KLF12: variants seen among roughly 807,000 people sequenced by gnomAD.
KLF12 encodes KLF transcription factor 12, also known as Krueppel-like factor 12.
KLF12 carries 9 observed loss-of-function variants against 37.8 expected under a neutral mutation model. The ratio of observed to expected loss-of-function variants is 0.24; its 90% CI spans 0.14 to 0.42. KLF12 has a LOEUF of 0.42. Among genes scored for constraint, KLF12 ranks in the 10% least tolerant of loss-of-function variants. The pLI, the probability that KLF12 is intolerant of heterozygous loss-of-function variation, is 1.00. For missense variants in KLF12, 411 were observed against 516.0 expected, an observed-to-expected ratio of 0.80 and a Z score of 1.97; for synonymous variants, 208 against 202.1, an observed-to-expected ratio of 1.03 and a Z score of -0.25.
intron 5 of KLF12, chr13:73,802,028 T>A (rs1882305572): frequency 6.6e-6 from 1 of 152,116 alleles, no homozygotes; most frequent in African/African-American, 2.4e-5. Context: ...GTTTCCAAGT[T>A]GTTAGGTAGG....
chr13:73,894,063 G>A (rs960102623), intron 3 of KLF12, among the ~76,000 whole-genome samples: 5 of 152,166 alleles, frequency 3.3e-5, no homozygotes, highest in East Asian at 1.9e-4. Flanking sequence ...GTGAGAGACA[G>A]GGGAAGATGG....
At chr13:74,175,955 C>T in the KLF12 span, among the ~76,000 whole-genome samples, 7 of 152,116 alleles carry the variant, frequency 4.6e-5, no homozygotes, top group Non-Finnish European at 8.8e-5. Context: ...TCTGTGTTTC[C>T]TCTCCCCTGG....
chr13:74,002,313 CAGAAA>C (rs1252104674), intron 1 of KLF12, among the ~76,000 whole-genome samples: 7 of 152,312 alleles, frequency 4.6e-5, no homozygotes, highest in African/African-American at 1.4e-4. Context: ...TACATAATCC[CAGAAA>C]ATAAAAGTAA....
chr13:73,934,819 T>C (rs1054322300), intron 3 of KLF12, among the ~76,000 whole-genome samples: 18 of 152,038 alleles, frequency 1.2e-4, no homozygotes, highest in Admixed American at 3.3e-4. Context: ...CTCCCTCTTC[T>C]TGAAAGTCCA....
chr13:73,756,152 A>T, intron 6 of KLF12, among the ~76,000 whole-genome samples: 1 of 149,968 alleles, frequency 6.7e-6, no homozygotes, highest in East Asian at 1.9e-4. Flanking sequence ...TTATTTATTG[A>T]TTTAAGATAA....
At chr13:73,977,838 T>G (rs755015361) in intron 2 of KLF12, among the ~76,000 whole-genome samples, 1 of 152,192 alleles carries the variant, frequency 6.6e-6, no homozygotes, top group African/African-American at 2.4e-5. Context: ...CAACTAATCT[T>G]TAACAAAGGT....
At chr13:73,979,400 A>AC (rs1891632807) in intron 2 of KLF12, among the ~76,000 whole-genome samples, 1 of 107,834 alleles carries the variant, frequency 9.3e-6, no homozygotes, top group South Asian at 2.9e-4. Flanking sequence ...CACACACACA[A>AC]ATCATGGAAT....
intron 2 of KLF12, among the ~76,000 whole-genome samples, chr13:73,987,733 G>C (rs906873274): frequency 6.9e-6 from 1 of 144,486 alleles, no homozygotes; most frequent in Non-Finnish European, 1.5e-5. Flanking sequence ...TAGAGGAAGT[G>C]GGAGGAAAGA....
the KLF12 span, among the ~76,000 whole-genome samples, chr13:74,276,148 G>A: frequency 1.3e-5 from 2 of 151,564 alleles, no homozygotes; most frequent in South Asian, 2.1e-4. Context: ...TCCCCAACAG[G>A]CCCCAGTGTG....
chr13:73,993,287 T>C (rs796790699), intron 2 of KLF12, among the ~76,000 whole-genome samples: 13 of 152,310 alleles, frequency 8.5e-5, no homozygotes, highest in African/African-American at 3.1e-4. Flanking sequence ...TTAAAGACTT[T>C]TGAATTCATG....
At chr13:74,161,785 C>A in the KLF12 span, among the ~76,000 whole-genome samples, 2 of 152,142 alleles carry the variant, frequency 1.3e-5, no homozygotes, top group Non-Finnish European at 2.9e-5. Flanking sequence ...GATTAATTTT[C>A]ATTCCGCCTC....
At chr13:74,131,709 T>C (rs553580155) in intron 1 of KLF12, among the ~76,000 whole-genome samples, 1 of 152,330 alleles carries the variant, frequency 6.6e-6, no homozygotes, top group South Asian at 2.1e-4. Flanking sequence ...CTCAAGAATG[T>C]TTTGTTTAAC....
chr13:73,760,687 T>C (rs1879494984), intron 6 of KLF12, among the ~76,000 whole-genome samples: 1 of 152,132 alleles, frequency 6.6e-6, no homozygotes, highest in East Asian at 1.9e-4. Context: ...AAAGTTTGTA[T>C]TATGTGACTC....
chr13:73,875,808 C>G (rs1339073469), intron 3 of KLF12, among the ~76,000 whole-genome samples: 1 of 152,000 alleles, frequency 6.6e-6, no homozygotes, highest in African/African-American at 2.4e-5. Flanking sequence ...TTATACTGTC[C>G]TGATAAACTA....
chr13:74,210,239 T>C, the KLF12 span, among the ~76,000 whole-genome samples: 1 of 152,182 alleles, frequency 6.6e-6, no homozygotes, highest in African/African-American at 2.4e-5. Context: ...AATATGGTCC[T>C]AAAACATGGT....
At position 73,934,949 on chromosome 13, in the gene KLF12, TATTATTTA is replaced by T. The variant is rs1188461179; in HGVS notation, c.123+9024_123+9031del. 7.8e-4 allele frequency among the ~76,000 whole-genome samples: 84 copies of T among 107,502 alleles called. 1 individual carries two copies. The highest frequency in any genetic ancestry group is 2.5e-3 in the African/African-American group (72 of 29,036). The allele number at this position is 107,502 out of a possible 152,430, so 70.5% of individuals were successfully genotyped here. ...TTGTGCTTTATTTTGGATAGGTTTTTATTATTTATTTATTTATTTATTTATTTATTTAT... is the reference window on the plus strand; with the variant it reads ...TTGTGCTTTATTTTGGATAGGTTTTTTTTATTTATTTATTTATTTATTTAT... On this transcript the variant is annotated intron_variant, in intron 3 of 7. Transcript: ENST00000377669.
At chr13:74,137,170 T>C (rs1593931426), upstream of KLF12, among the ~76,000 whole-genome samples, 1 of 152,232 alleles carries the variant, frequency 6.6e-6, no homozygotes, top group Admixed American at 6.5e-5. Context: ...GGATTTTTAA[T>C]GTTTAGACCT....
Position 73,690,908 on chromosome 13 carries a change from C to T in KLF12, c.*4582G>A, listed in dbSNP as rs747885347. The T allele has an allele frequency of 2.6e-5, 4 of 152,502 alleles. No individual in the cohort carries two copies. The highest frequency in any genetic ancestry group is 4.4e-5 in the Non-Finnish European group (3 of 68,004). 9.4% of individuals were successfully genotyped at this position (152,502 alleles called of 1,614,324 possible). A position where few individuals can be genotyped will look rare whatever the true frequency, so the allele number is the denominator to read the frequency against. ...TTCTATTTCATTTTCTTATGAAAAT[C>T]TGGATTTCTATTGCAATTGCTCAGT... On this transcript the variant is annotated 3_prime_UTR_variant, in exon 8 of 8. Coordinates refer to ENST00000377669, the MANE Select transcript of KLF12 (RefSeq NM_007249.5).
intron 4 of KLF12, among the ~76,000 whole-genome samples, chr13:73,827,134 T>G (rs1883892790): frequency 6.6e-6 from 1 of 152,240 alleles, no homozygotes; most frequent in South Asian, 2.1e-4. Context: ...TTTTTGAGAT[T>G]TATTCATACT....
Sources: allele counts gnomAD v4.1 joint callset (sites outside exome capture counted in the v4.1 genomes callset), GRCh38; gene constraint gnomAD v4.1.1; transcripts MANE v1.5; gene names NCBI Gene and HGNC (gene_info 2026-07-23, HGNC 2026-07-21).